The following ADGRL3 variants were observed in gnomAD, a reference collection of about 807,000 sequenced individuals.
ADGRL3 encodes the protein adhesion G protein-coupled receptor L3.
A neutral mutation model predicts 153.5 loss-of-function variants in ADGRL3; 62 were observed. The observed-to-expected ratio is 0.40, with a 90% CI of 0.33 to 0.50. ADGRL3 has a LOEUF of 0.50. Among genes scored for constraint, ADGRL3 ranks in the 20% least tolerant of loss-of-function variants. The pLI, the probability that ADGRL3 is intolerant of heterozygous loss-of-function variation, is 0.47. For missense variants in ADGRL3, 1,641 were observed against 1,859.4 expected, an observed-to-expected ratio of 0.88 and a Z score of 2.16; for synonymous variants, 710 against 672.5, an observed-to-expected ratio of 1.06 and a Z score of -0.86.
At chr4:61,370,641 T>C (rs1488351669) in intron 1 of ADGRL3, among the ~76,000 whole-genome samples, 1 of 151,920 alleles carries the variant, frequency 6.6e-6, no homozygotes, top group East Asian at 1.9e-4. Context: ...AGGAGAGCTT[T>C]ACTTCCAAGT....
chr4:61,239,545 G>A (rs1454775069), intron 1 of ADGRL3, among the ~76,000 whole-genome samples: 2 of 152,034 alleles, frequency 1.3e-5, no homozygotes, highest in Non-Finnish European at 2.9e-5. Flanking sequence ...TAAACTCTGA[G>A]TGAACAGAAT....
At chr4:61,374,609 A>T (rs572257006) in intron 1 of ADGRL3, among the ~76,000 whole-genome samples, 1 of 152,246 alleles carries the variant, frequency 6.6e-6, no homozygotes, top group South Asian at 2.1e-4. Context: ...GATGCACTAC[A>T]GGCAATGTGG....
chr4:61,614,747 G>A (rs73822692), intron 5 of ADGRL3, among the ~76,000 whole-genome samples: 3,471 of 152,046 alleles, frequency 0.023, 110 homozygotes, highest in East Asian at 0.14. Context: ...GCACCCACCC[G>A]CATCAGACAC....
intron 2 of ADGRL3, among the ~76,000 whole-genome samples, chr4:61,481,953 C>T (rs980514678): frequency 2.0e-5 from 3 of 151,764 alleles, no homozygotes; most frequent in Admixed American, 6.6e-5. Flanking sequence ...CGTTTTTTTC[C>T]TGAATGCTAT....
At chr4:61,287,296 G>C (rs972268929) in intron 1 of ADGRL3, among the ~76,000 whole-genome samples, 3 of 151,830 alleles carry the variant, frequency 2.0e-5, no homozygotes, top group Admixed American at 2.0e-4. Context: ...TCTATGCTGT[G>C]ATATCGCCTG....
chr4:61,602,272 C>G (rs1052380021), intron 5 of ADGRL3, among the ~76,000 whole-genome samples: 2 of 152,212 alleles, frequency 1.3e-5, no homozygotes, highest in Non-Finnish European at 2.9e-5. Context: ...TCCAGAAAAA[C>G]CCACTTATCC....
At chr4:61,403,414 A>C (rs2152148081) in intron 2 of ADGRL3, among the ~76,000 whole-genome samples, 1 of 152,006 alleles carries the variant, frequency 6.6e-6, no homozygotes, top group African/African-American at 2.4e-5. Context: ...TGATTTAACA[A>C]ATCATGCCTA....
intron 5 of ADGRL3, among the ~76,000 whole-genome samples, chr4:61,591,778 A>G (rs1002103891): frequency 4.6e-5 from 7 of 151,244 alleles, no homozygotes; most frequent in Admixed American, 1.3e-4. Flanking sequence ...ACATGCAGAA[A>G]AGAGAGAGAG....
rs751723875 is a variant in ADGRL3, at chr4:61,275,796, TA to T, written c.-240+74035del. Among the ~76,000 whole-genome samples the T allele has an allele frequency of 5.3e-5, 8 of 152,342 alleles. 1 individual carries two copies. In the East Asian group the frequency reaches 1.5e-3, roughly 29 times the overall value. On this transcript the variant is annotated intron_variant, in intron 1 of 26. Coordinates refer to ENST00000683033, the MANE Select transcript of ADGRL3 (RefSeq NM_001387552.1). ...CATTTGGTTACTTACATATCTAAAA[TA>T]AAAGTGATGTCTGTTGGCCTCAGGG...
chr4:61,238,749 T>C (rs1753796697), intron 1 of ADGRL3, among the ~76,000 whole-genome samples: 1 of 152,112 alleles, frequency 6.6e-6, no homozygotes, highest in Admixed American at 6.6e-5. Flanking sequence ...ATAGAATTAT[T>C]TGAAGGTTAA....
intron 5 of ADGRL3, among the ~76,000 whole-genome samples, chr4:61,627,951 C>T (rs1195762856): frequency 1.3e-5 from 2 of 152,120 alleles, no homozygotes; most frequent in Non-Finnish European, 2.9e-5. Context: ...TAAGGCTCTA[C>T]AGATAGGCAG....
chr4:62,020,433 C>T (rs1199327644), intron 21 of ADGRL3, among the ~76,000 whole-genome samples: 1 of 151,994 alleles, frequency 6.6e-6, no homozygotes, highest in African/African-American at 2.4e-5. Flanking sequence ...GTAGAAAATA[C>T]TGGACCTCCA....
chr4:61,629,803 C>T (rs2093050788), intron 5 of ADGRL3, among the ~76,000 whole-genome samples: 1 of 129,778 alleles, frequency 7.7e-6, no homozygotes, highest in Non-Finnish European at 1.6e-5. Flanking sequence ...AATTATAATG[C>T]AGACTGCCAG....
intron 1 of ADGRL3, among the ~76,000 whole-genome samples, chr4:61,294,062 A>G (rs1382809093): frequency 6.6e-6 from 1 of 152,188 alleles, no homozygotes; most frequent in Non-Finnish European, 1.5e-5. Context: ...ATGCCACGAA[A>G]GTATACACAT....
At chr4:61,512,958 CTAA>C (rs1170058970) in intron 3 of ADGRL3, among the ~76,000 whole-genome samples, 1 of 151,942 alleles carries the variant, frequency 6.6e-6, no homozygotes, top group African/African-American at 2.4e-5. Context: ...GGTTGGGTTG[CTAA>C]TAAAGACATG....
chr4:61,519,804 C>G (rs771530814), intron 4 of ADGRL3, among the ~76,000 whole-genome samples: 2 of 151,906 alleles, frequency 1.3e-5, no homozygotes, highest in Non-Finnish European at 2.9e-5. Context: ...CTTCATAAAA[C>G]AAAAACAAGT....
intron 9 of ADGRL3, among the ~76,000 whole-genome samples, chr4:61,844,575 A>AAAAAAAAAATATATAT (rs1554045137): frequency 5.5e-5 from 1 of 18,106 alleles, no homozygotes; most frequent in Non-Finnish European, 8.4e-5. Context: ...AAAAAAAAAA[A>AAAAAAAAAATATATAT]ATATATATAT....
chr4:61,392,179 T>G (rs999735543), intron 2 of ADGRL3, among the ~76,000 whole-genome samples: 9 of 151,860 alleles, frequency 5.9e-5, no homozygotes, highest in Admixed American at 5.2e-4. Flanking sequence ...AAAATGCTAC[T>G]TTTATGATAT....
intron 5 of ADGRL3, among the ~76,000 whole-genome samples, chr4:61,604,764 G>A (rs1202761452): frequency 1.3e-5 from 2 of 152,084 alleles, no homozygotes; most frequent in South Asian, 4.1e-4. Context: ...CTTGTTTTTA[G>A]CAGTAATCAA....
Sources: gnomAD v4.1 joint callset for allele counts (sites outside exome capture counted in the v4.1 genomes callset) on GRCh38, gnomAD v4.1.1 for gene constraint, MANE v1.5 for transcripts, NCBI Gene and HGNC (gene_info 2026-07-23, HGNC 2026-07-21) for gene names.